CFAP299: variants seen among roughly 807,000 people sequenced by gnomAD.
CFAP299 encodes cilia and flagella associated protein 299.
Under a neutral mutation model 27.0 loss-of-function variants are expected in CFAP299, and 21 were observed. The observed-to-expected ratio is 0.78, with a 90% CI of 0.55 to 1.12. The LOEUF (loss-of-function observed/expected upper bound fraction) is 1.12. Ranked by LOEUF, CFAP299 falls within the 50% of genes most tolerant of loss-of-function variation. The pLI, the probability that CFAP299 is intolerant of heterozygous loss-of-function variation, is 0.00. For synonymous variants in CFAP299, 104 were observed against 98.1 expected (o/e 1.06, Z -0.36); for missense variants, 310 against 276.6 (o/e 1.12, Z -0.86).
intron 2 of CFAP299, among the ~76,000 whole-genome samples, chr4:80,529,606 C>A (rs1046251243): frequency 5.9e-5 from 9 of 152,070 alleles, no homozygotes; most frequent in African/African-American, 1.9e-4. Context: ...TATTTTTAAT[C>A]CTGAAATTTA....
intron 5 of CFAP299, among the ~76,000 whole-genome samples, chr4:80,945,688 C>A (rs1324659810): frequency 6.6e-6 from 1 of 151,816 alleles, no homozygotes; most frequent in African/African-American, 2.4e-5. Context: ...GAAAAAGATT[C>A]TTTCATAGTA....
intron 2 of CFAP299, among the ~76,000 whole-genome samples, chr4:80,471,322 A>C: frequency 6.6e-6 from 1 of 151,982 alleles, no homozygotes; most frequent in Non-Finnish European, 1.5e-5. Context: ...CCTAAAAATG[A>C]AAAATGTTTT....
intron 2 of CFAP299, among the ~76,000 whole-genome samples, chr4:80,537,380 C>G (rs1380124351): frequency 6.6e-6 from 1 of 152,116 alleles, no homozygotes; most frequent in East Asian, 1.9e-4. Flanking sequence ...AGAAATGTCT[C>G]CATCCCCATG....
chr4:80,346,900 C>T (rs938226146), intron 1 of CFAP299, among the ~76,000 whole-genome samples: 1 of 152,148 alleles, frequency 6.6e-6, no homozygotes, highest in Non-Finnish European at 1.5e-5. Context: ...TCTTCCTATC[C>T]GTGATCATGG....
At chr4:80,630,110 G>GA (rs1027052512) in intron 3 of CFAP299, among the ~76,000 whole-genome samples, 2 of 151,918 alleles carry the variant, frequency 1.3e-5, no homozygotes, top group Non-Finnish European at 2.9e-5. Context: ...GAATTTTGGA[G>GA]AAAAAAAGAA....
chr4:80,941,473 A>C (rs1391143838), intron 4 of CFAP299, among the ~76,000 whole-genome samples: 1 of 152,170 alleles, frequency 6.6e-6, no homozygotes, highest in Non-Finnish European at 1.5e-5. Flanking sequence ...GTTTAATTGA[A>C]AATTTCATAG....
chr4:80,856,391 G>A (rs1731889854), intron 3 of CFAP299, among the ~76,000 whole-genome samples: 1 of 151,364 alleles, frequency 6.6e-6, no homozygotes, highest in South Asian at 2.1e-4. Flanking sequence ...TTGCTGTGCA[G>A]AAGCTCTTTA....
chr4:80,559,891 A>G (rs1158513403), intron 2 of CFAP299, among the ~76,000 whole-genome samples: 3 of 152,170 alleles, frequency 2.0e-5, no homozygotes, highest in Non-Finnish European at 2.9e-5. Flanking sequence ...CTTGAAAGAC[A>G]GTCTAGGCCA....
intron 3 of CFAP299, among the ~76,000 whole-genome samples, chr4:80,699,489 G>A (rs1721329050): frequency 6.6e-6 from 1 of 152,166 alleles, no homozygotes; most frequent in Non-Finnish European, 1.5e-5. Context: ...AGTGTTCCAG[G>A]TGGGACACAT....
chr4:80,440,024 A>G (rs1353234151), intron 2 of CFAP299, among the ~76,000 whole-genome samples: 1 of 152,164 alleles, frequency 6.6e-6, no homozygotes, highest in Non-Finnish European at 1.5e-5. Flanking sequence ...TGGGCAGGGC[A>G]TCTCTGAAAG....
intron 2 of CFAP299, among the ~76,000 whole-genome samples, chr4:80,514,529 T>C (rs917485014): frequency 2.0e-5 from 3 of 152,104 alleles, no homozygotes; most frequent in African/African-American, 7.2e-5. Flanking sequence ...AGGTTAATTA[T>C]GAACAGATGA....
In CFAP299 at chr4:80,754,526, T is replaced by C. The variant is rs1196761686; in HGVS notation, c.334-115467T>C. Among the ~76,000 whole-genome samples, 6 of 150,258 alleles carry C rather than the reference T, an allele frequency of 4.0e-5. No homozygotes were observed. The East Asian group carries it at 1.2e-3, about 29-fold the overall frequency. On this transcript the variant is annotated intron_variant, in intron 3 of 5. Coordinates refer to ENST00000358105, the MANE Select transcript of CFAP299 (RefSeq NM_152770.3). ...CCATTCTTCCCATTGTAGTAGGTTT[T>C]CAAGGGGAAAGTGAGAGGATGGATC...
intron 4 of CFAP299, among the ~76,000 whole-genome samples, chr4:80,877,428 A>C (rs777591943): frequency 9.9e-5 from 15 of 152,230 alleles, no homozygotes; most frequent in South Asian, 2.1e-4. Flanking sequence ...GTGTCATCTA[A>C]TGACAGAAAT....
chr4:80,350,815 G>C (rs1355020629), intron 1 of CFAP299, among the ~76,000 whole-genome samples: 1 of 152,114 alleles, frequency 6.6e-6, no homozygotes, highest in Non-Finnish European at 1.5e-5. Context: ...AGAGCATTAG[G>C]ACAAATGGCT....
intron 1 of CFAP299, among the ~76,000 whole-genome samples, chr4:80,354,112 A>G (rs1317280238): frequency 6.6e-6 from 1 of 152,214 alleles, no homozygotes; most frequent in Non-Finnish European, 1.5e-5. Context: ...GGTTCATTTA[A>G]TAATTCAAAA....
chr4:80,610,961 T>G (rs953666807), intron 3 of CFAP299, among the ~76,000 whole-genome samples: 1 of 152,030 alleles, frequency 6.6e-6, no homozygotes, highest in Non-Finnish European at 1.5e-5. Flanking sequence ...TAAGTGCAAA[T>G]AAACGGGTTC....
chr4:80,332,867 C>T (rs1225961255), upstream of CFAP299, among the ~76,000 whole-genome samples: 1 of 152,058 alleles, frequency 6.6e-6, no homozygotes, highest in African/African-American at 2.4e-5. Flanking sequence ...GGCTGATTTC[C>T]ATGTAGCCAA....
intron 4 of CFAP299, among the ~76,000 whole-genome samples, chr4:80,917,394 A>G (rs951800888): frequency 4.6e-5 from 7 of 152,186 alleles, no homozygotes; most frequent in Non-Finnish European, 8.8e-5. Flanking sequence ...TACTAAAAGG[A>G]AAACTAATAA....
intron 4 of CFAP299, among the ~76,000 whole-genome samples, chr4:80,879,002 C>G (rs1383510480): frequency 1.3e-5 from 2 of 152,026 alleles, no homozygotes; most frequent in Non-Finnish European, 2.9e-5. Flanking sequence ...TTTCTACTGT[C>G]CTATAGCTTC....
Sources: gnomAD v4.1 joint callset for allele counts (sites outside exome capture counted in the v4.1 genomes callset) on GRCh38, gnomAD v4.1.1 for gene constraint, MANE v1.5 for transcripts, NCBI Gene and HGNC (gene_info 2026-07-23, HGNC 2026-07-21) for gene names.